The following NFYA variants were observed in gnomAD, a reference collection of about 807,000 sequenced individuals.
NFYA encodes the protein nuclear transcription factor Y subunit alpha, also known as CAAT-box DNA binding protein subunit A.
In NFYA, 28 loss-of-function variants were observed where a neutral mutation model predicts 52.8. The ratio of observed to expected loss-of-function variants is 0.53; its 90% CI spans 0.39 to 0.73. NFYA has a LOEUF of 0.73. NFYA is among the 30% of genes least tolerant of loss of function. The pLI is 0.00. For missense variants in NFYA, 234 were observed against 427.0 expected, an observed-to-expected ratio of 0.55 and a Z score of 3.98; for synonymous variants, 150 against 150.7, an observed-to-expected ratio of 1.00 and a Z score of 0.03.
chr6:41,097,009 C>T (rs1390980143), intron 9 of NFYA, among the ~76,000 whole-genome samples: 1 of 152,176 alleles, frequency 6.6e-6, no homozygotes, highest in East Asian at 1.9e-4. Flanking sequence ...TACAGCATGA[C>T]ATGGTTTCTC....
At chr6:41,073,413 C>T (rs968777670) in intron 1 of NFYA, among the ~76,000 whole-genome samples, 2 of 151,944 alleles carry the variant, frequency 1.3e-5, no homozygotes, top group African/African-American at 4.8e-5. Context: ...GGCCCCAGGC[C>T]TGGGGCCACG....
At chr6:41,080,785 C>T in intron 2 of NFYA, 26 bp from the exon 3 acceptor site, 8 of 1,593,072 alleles carry the variant, frequency 5.0e-6, no homozygotes, top group Non-Finnish European at 6.9e-6. Context: ...TGACATATTT[C>T]AAGCTCTTCC....
chr6:41,089,982 A>G (rs987737081), intron 5 of NFYA, among the ~76,000 whole-genome samples: 22 of 152,228 alleles, frequency 1.4e-4, no homozygotes, highest in African/African-American at 5.3e-4. Flanking sequence ...ATGGTGGCGC[A>G]TGCCTGTAAT....
chr6:41,077,118 C>T (rs116633305), intron 1 of NFYA, among the ~76,000 whole-genome samples: 3 of 152,212 alleles, frequency 2.0e-5, no homozygotes, highest in Non-Finnish European at 4.4e-5. Flanking sequence ...ATGTAAACTT[C>T]TGGATATTAG....
intron 2 of NFYA, among the ~76,000 whole-genome samples, chr6:41,079,521 C>T (rs1016992765): frequency 2.6e-5 from 4 of 152,168 alleles, no homozygotes; most frequent in African/African-American, 9.7e-5. Flanking sequence ...ACAGACAAAC[C>T]AACATAGCTT....
chr6:41,073,155 C>A (rs1248732514), intron 1 of NFYA, 71 bp downstream of exon 1: 1 of 152,728 alleles, frequency 6.5e-6, no homozygotes, highest in Non-Finnish European at 1.5e-5. Context: ...GTCTCGCTGA[C>A]CACTCAGGAG....
chr6:41,076,052 A>G (rs1340049771), intron 1 of NFYA, among the ~76,000 whole-genome samples: 1 of 152,184 alleles, frequency 6.6e-6, no homozygotes, highest in African/African-American at 2.4e-5. Context: ...ATCAGGACCC[A>G]CTTGTTGAGT....
intron 2 of NFYA, 146 bp from the exon 3 acceptor site, chr6:41,080,665 C>A: frequency 1.7e-6 from 1 of 578,416 alleles, no homozygotes; most frequent in Non-Finnish European, 3.0e-6. Context: ...CTACCTTCAA[C>A]AAAACAGCTT....
chr6:41,090,579 T>A (rs1019499660), intron 6 of NFYA, among the ~76,000 whole-genome samples: 19 of 152,292 alleles, frequency 1.2e-4, no homozygotes, highest in African/African-American at 4.1e-4. Flanking sequence ...AACAGAAGAA[T>A]AGAAATAGGG....
intron 1 of NFYA, 99 bp downstream of exon 1, chr6:41,073,183 G>C (rs996945625): frequency 6.6e-6 from 1 of 152,286 alleles, no homozygotes; most frequent in South Asian, 2.1e-4. Context: ...GGCGCCCGTC[G>C]AGCCCGGGGA....
intron 2 of NFYA, among the ~76,000 whole-genome samples, chr6:41,080,459 AT>A (rs1763875232): frequency 6.6e-6 from 1 of 152,052 alleles, no homozygotes; most frequent in Non-Finnish European, 1.5e-5. Context: ...AAACCTAATC[AT>A]TTTTTTCTTG....
intron 8 of NFYA, 84 bp from the exon 9 acceptor site, chr6:41,094,312 T>G: frequency 4.2e-6 from 5 of 1,190,396 alleles, no homozygotes; most frequent in Non-Finnish European, 6.2e-6. Flanking sequence ...TGTCTTAAAC[T>G]TTGGAGAATG....
intron 1 of NFYA, among the ~76,000 whole-genome samples, chr6:41,076,062 T>C (rs1763725167): frequency 6.6e-6 from 1 of 152,122 alleles, no homozygotes; most frequent in African/African-American, 2.4e-5. Context: ...ACTTGTTGAG[T>C]TGTGAAAGAA....
At chr6:41,080,158 T>TA (rs1491299265) in intron 2 of NFYA, among the ~76,000 whole-genome samples, 4 of 152,260 alleles carry the variant, frequency 2.6e-5, no homozygotes, top group Middle Eastern at 3.4e-3. Flanking sequence ...GAAATAATCT[T>TA]AGTTTTGAAG....
chr6:41,093,130 G>T (rs756302153), intron 8 of NFYA, 45 bp downstream of exon 8: 189 of 1,533,918 alleles, frequency 1.2e-4, no homozygotes, highest in Non-Finnish European at 1.5e-4. Flanking sequence ...GAATAGCAGG[G>T]TTCTACTTTT....
Position 41,100,588 on chromosome 6 carries a change from C to CT in NFYA, c.*3179dup, listed in dbSNP as rs1462479331. On this transcript the variant is annotated 3_prime_UTR_variant, in exon 10 of 10. Coordinates refer to ENST00000341376, the MANE Select transcript of NFYA (RefSeq NM_002505.5). ...AACTCTCCACAATGAAGGAAAAGCACTGACAGTATTTGATAGCTTTAGTCA... is the reference window on the plus strand; with the variant it reads ...AACTCTCCACAATGAAGGAAAAGCACTTGACAGTATTTGATAGCTTTAGTCA... 3.5e-4 allele frequency among the ~76,000 whole-genome samples: 54 copies of CT among 152,190 alleles called. No individual in the cohort carries two copies. The highest frequency in any genetic ancestry group is 3.5e-3 in the Admixed American group (54 of 15,284).
In NFYA at chr6:41,102,066, G is replaced by A. The variant is rs1360080969; in HGVS notation, c.*4656G>A. ...GACCTACAAGTCGGAACGTGACATG[G>A]ACAAACTGGCCCATATCTTCAGTTA... is the stretch of plus-strand genomic sequence containing the variant. On this transcript the variant is annotated 3_prime_UTR_variant, in exon 10 of 10. Transcript: ENST00000341376. 6.6e-6 allele frequency: 1 copy of A among 152,236 alleles called. No homozygotes were observed. Among genetic ancestry groups the A allele is most frequent in the Non-Finnish European group, 1.5e-5 (1 of 68,048 alleles). 9.4% of individuals were successfully genotyped at this position (152,236 alleles called of 1,614,324 possible).
chr6:41,084,296 T>C, intron 4 of NFYA, 104 bp downstream of exon 4: 1 of 1,318,592 alleles, frequency 7.6e-7, no homozygotes. Context: ...AACTGCTTCC[T>C]AACCCACATT....
Position 41,079,107 on chromosome 6 carries a change from A to G in NFYA, c.18A>G (p.Ala6=). 1 of 1,614,208 alleles carries G rather than the reference A, an allele frequency of 6.2e-7. No homozygotes were observed. Among genetic ancestry groups the G allele is most frequent in the Middle Eastern group, 1.6e-4 (1 of 6,062 alleles). The part of the protein sequence containing the change: MEQYT[A]NSNSSTEQIV... ...GAGGGACCATGGAGCAGTATACAGCAAACAGCAATAGTTCGACAGAGCAGA... is the reference window on the plus strand; with the variant it reads ...GAGGGACCATGGAGCAGTATACAGCGAACAGCAATAGTTCGACAGAGCAGA... Residue 6 remains alanine (A), a synonymous_variant, in exon 2 of 10, where the codon GCA becomes GCG. Coordinates refer to ENST00000341376, the MANE Select transcript of NFYA (RefSeq NM_002505.5).
Sources: allele counts gnomAD v4.1 joint callset (sites outside exome capture counted in the v4.1 genomes callset), GRCh38; gene constraint gnomAD v4.1.1; transcripts MANE v1.5; gene names NCBI Gene and HGNC (gene_info 2026-07-23, HGNC 2026-07-21).